The following CPZ variants were observed in gnomAD, a reference collection of about 807,000 sequenced individuals.
The protein encoded by CPZ is carboxypeptidase Z, also known as VEZT/CPZ fusion.
CPZ carries 103 observed loss-of-function variants against 61.8 expected under a neutral mutation model. That is an observed-to-expected ratio of 1.67 (90% CI 1.42 to 1.96). The LOEUF (loss-of-function observed/expected upper bound fraction) is 1.96, where lower values mean the gene tolerates loss of function less well. Among genes scored for constraint, CPZ ranks in the 30% most tolerant of loss-of-function variants. CPZ has a pLI of 0.00. For synonymous variants in CPZ, 551 were observed against 373.7 expected, an observed-to-expected ratio of 1.47 and a Z score of -5.47; for missense variants, 1,461 against 914.9, an observed-to-expected ratio of 1.60 and a Z score of -7.70.
intron 2 of CPZ, 113 bp from the exon 3 acceptor site, chr4:8,601,010 G>A (rs184594682): frequency 1.5e-5 from 22 of 1,432,646 alleles, no homozygotes; most frequent in Admixed American, 1.1e-4. Context: ...CCAGACCGTG[G>A]GTGCCCCTCC....
intron 9 of CPZ, among the ~76,000 whole-genome samples, chr4:8,615,437 G>T (rs1716081529): frequency 6.6e-6 from 1 of 152,200 alleles, no homozygotes; most frequent in African/African-American, 2.4e-5. Context: ...GCGTTTTCAA[G>T]AATCACATAA....
At chr4:8,594,508 C>T (rs569701547) in intron 1 of CPZ, among the ~76,000 whole-genome samples, 36 of 152,298 alleles carry the variant, frequency 2.4e-4, no homozygotes, top group Middle Eastern at 3.4e-3. Context: ...GATGGCCTGA[C>T]CTCTCTGACC....
In CPZ at chr4:8,601,382, G is replaced by T; in HGVS notation, c.381G>T (p.Glu127Asp). 6.3e-7 allele frequency: 1 copy of T among 1,599,730 alleles called. No individual in the cohort carries two copies. ...PCRHICEGLREVCQPAFDAID... is the reference protein window; with the variant it reads ...PCRHICEGLRDVCQPAFDAID... ...GGCACATCTGCGAGGGCCTGCGGGA[G>T]GTCTGCCAGCCCGCCTTCGACGCCA... The change falls in exon 3 of 11, where the codon GAG becomes GAT. Residue 127 changes from glutamate (E) to aspartate (D), a missense_variant. Transcript: ENST00000360986.
chr4:8,592,811 C>A lies in CPZ; in HGVS notation c.-23C>A. 7.0e-7 allele frequency: 1 copy of A among 1,426,274 alleles called. No individual in the cohort carries two copies. The highest frequency in any genetic ancestry group is 9.1e-7 in the Non-Finnish European group (1 of 1,093,400). 88.4% of individuals were successfully genotyped at this position (1,426,274 alleles called of 1,614,324 possible). ...CCGAGTGCCACATCACTGCGCTGGC[C>A]GTCCAAGGTCCGCCGCCCCACCATG... is the stretch of plus-strand genomic sequence containing the variant. On this transcript the variant is annotated 5_prime_UTR_variant, in exon 1 of 11. Transcript: ENST00000360986.
chr4:8,618,982 A>G (rs1310049146), intron 10 of CPZ, among the ~76,000 whole-genome samples: 1 of 147,226 alleles, frequency 6.8e-6, no homozygotes, highest in Non-Finnish European at 1.5e-5. Flanking sequence ...TGTGGTCCAG[A>G]GAAGAGGGGG....
At chr4:8,609,796 A>C (rs1481419741) in intron 7 of CPZ, among the ~76,000 whole-genome samples, 1 of 152,218 alleles carries the variant, frequency 6.6e-6, no homozygotes, top group South Asian at 2.1e-4. Flanking sequence ...ATCATCGGGC[A>C]GTGATCATGC....
At chr4:8,599,907 C>T (rs1021067287) in intron 2 of CPZ, 9 of 209,566 alleles carry the variant, frequency 4.3e-5, no homozygotes, top group East Asian at 1.4e-4. Context: ...GAGTGCTGAA[C>T]GAATCTTGTG....
rs1191570692 is a variant in CPZ, at chr4:8,609,248, ATCAC to A, written c.1227+1831_1227+1834del. Among the ~76,000 whole-genome samples the A allele has an allele frequency of 7.4e-3, 488 of 65,660 alleles. 1 individual carries two copies. Among genetic ancestry groups the A allele is most frequent in the Admixed American group, 0.014 (106 of 7,812 alleles). 43.1% of individuals were successfully genotyped at this position (65,660 alleles called of 152,430 possible). ...CTCACTCATTGTCACTCATTCACTCATCACTCACTCATTCTCTTATTCATTCACA... is the reference window on the plus strand; with the variant it reads ...CTCACTCATTGTCACTCATTCACTCATCACTCATTCTCTTATTCATTCACA... On this transcript the variant is annotated intron_variant, in intron 7 of 10. Transcript: ENST00000360986.
intron 7 of CPZ, among the ~76,000 whole-genome samples, chr4:8,609,044 C>CTCACTCACCCATTCAG (rs1269992788): frequency 7.4e-6 from 1 of 135,766 alleles, no homozygotes; most frequent in Non-Finnish European, 1.6e-5. Flanking sequence ...CACCCATTCA[C>CTCACTCACCCATTCAG]TCCCTCCCTC....
At chr4:8,593,952 C>A (rs1713984135) in intron 1 of CPZ, among the ~76,000 whole-genome samples, 1 of 152,150 alleles carries the variant, frequency 6.6e-6, no homozygotes. Flanking sequence ...GGTGGGCCTC[C>A]CCTTGGCCCC....
Position 8,601,208 on chromosome 4 carries a change from G to A in CPZ, c.207G>A (p.Ser69=), listed in dbSNP as rs4431213. Residue 69 remains serine, a synonymous_variant, in exon 3 of 11, where the codon TCG becomes TCA. Transcript: ENST00000360986. ...TCCCCAACCTGCTTCAGCACCGGTC[G>A]TGGGAGGTGGTGGAGGCCAGCTCCG... ...TTFPNLLQHR[S]WEVVEASSEY... The A allele has an allele frequency of 2.8e-3, 4,498 of 1,613,264 alleles. 100 individuals are homozygous for A. The African/African-American group carries it at 0.05, about 18-fold the overall frequency.
intron 2 of CPZ, 111 bp downstream of exon 2, chr4:8,599,596 A>C: frequency 6.5e-7 from 1 of 1,535,548 alleles, no homozygotes; most frequent in Non-Finnish European, 8.8e-7. Context: ...GGTAATGGAT[A>C]ACACAGCCCA....
chr4:8,600,851 G>T (rs1714522693), intron 2 of CPZ: 1 of 1,049,928 alleles, frequency 9.5e-7, no homozygotes, highest in Non-Finnish European at 1.2e-6. Context: ...TGGCACAGCT[G>T]CTTTGCAGAT....
At position 8,599,012 on chromosome 4, in the gene CPZ, C is replaced by T. The variant is rs58768764; in HGVS notation, c.89-441C>T. Among the ~76,000 whole-genome samples, 276 of 152,270 alleles carry T rather than the reference C, an allele frequency of 1.8e-3. 2 individuals are homozygous for T. The highest frequency in any genetic ancestry group is 6.4e-3 in the African/African-American group (264 of 41,556). ...CAGCAGTGCCTGCTGGTGAGGGCTCCGGGGGCTGACAGTTAAAACTTTTGG... is the reference window on the plus strand; with the variant it reads ...CAGCAGTGCCTGCTGGTGAGGGCTCTGGGGGCTGACAGTTAAAACTTTTGG... On this transcript the variant is annotated intron_variant, in intron 1 of 10. Transcript: ENST00000360986.
intron 8 of CPZ, among the ~76,000 whole-genome samples, chr4:8,613,452 C>T (rs548677631): frequency 2.6e-5 from 4 of 152,286 alleles, no homozygotes; most frequent in South Asian, 2.1e-4. Flanking sequence ...GCCCCTGATA[C>T]GGCCCTGGGA....
Position 8,603,874 on chromosome 4 carries a change from G to A in CPZ, c.497-102G>A, listed in dbSNP as rs571198233. ...ATAGAGATGTCCAAGCATGGCTGTC[G>A]TGCAGAGGGGACTAAGGGTGCTGTG... On this transcript the variant is annotated intron_variant, in intron 3 of 10. Coordinates refer to ENST00000360986, the MANE Select transcript of CPZ (RefSeq NM_001014447.3). The A allele has an allele frequency of 5.0e-5, 49 of 970,376 alleles. 1 individual carries two copies. The highest frequency in any genetic ancestry group is 3.7e-5 in the Admixed American group (2 of 53,952). The allele number at this position is 970,376 out of a possible 1,614,324, so 60.1% of individuals were successfully genotyped here.
chr4:8,592,813 T>G lies in CPZ; in HGVS notation c.-21T>G, dbSNP rs930006435. ...GAGTGCCACATCACTGCGCTGGCCGTCCAAGGTCCGCCGCCCCACCATGCC... is the reference window on the plus strand; with the variant it reads ...GAGTGCCACATCACTGCGCTGGCCGGCCAAGGTCCGCCGCCCCACCATGCC... On this transcript the variant is annotated 5_prime_UTR_variant, in exon 1 of 11. Coordinates refer to ENST00000360986, the MANE Select transcript of CPZ (RefSeq NM_001014447.3). 2.1e-6 allele frequency: 3 copies of G among 1,436,624 alleles called. No homozygotes were observed. The highest frequency in any genetic ancestry group is 3.0e-5 in the African/African-American group (2 of 67,374). 89.0% of individuals were successfully genotyped at this position (1,436,624 alleles called of 1,614,324 possible). A position where few individuals can be genotyped will look rare whatever the true frequency, so the allele number is the denominator to read the frequency against.
rs267600282 is a variant in CPZ, at chr4:8,619,425, G to C, written c.1767G>C (p.Lys589Asn). ...FILQPLGMGP[K>N]NFIHGLRRTG... ...TGCAACCTCTGGGGATGGGACCCAA[G>C]AACTTTATTCATGGGCTGCGGAGGA... Residue 589 changes from lysine (K) to asparagine (N), a missense_variant, in exon 11 of 11, where the codon AAG becomes AAC. Lys to Asn is a moderately conservative substitution (Grantham distance 94). Transcript: ENST00000360986. 96 of 1,613,942 alleles carry C rather than the reference G, an allele frequency of 5.9e-5. No homozygotes were observed. The highest frequency in any genetic ancestry group is 7.4e-5 in the Non-Finnish European group (87 of 1,179,982).
intron 7 of CPZ, 126 bp downstream of exon 7, chr4:8,607,551 C>A (rs1056694393): frequency 2.8e-6 from 3 of 1,075,768 alleles, no homozygotes; most frequent in South Asian, 1.7e-5. Flanking sequence ...CAGAGCGGGT[C>A]AGCACCACCT....
Sources: gnomAD v4.1 joint callset for allele counts (sites outside exome capture counted in the v4.1 genomes callset) on GRCh38, gnomAD v4.1.1 for gene constraint, MANE v1.5 for transcripts, NCBI Gene and HGNC (gene_info 2026-07-23, HGNC 2026-07-21) for gene names.